The following PAK2 variants were observed in gnomAD, a reference collection of about 807,000 sequenced individuals.
PAK2 encodes serine/threonine-protein kinase PAK 2.
Under a neutral mutation model 65.9 loss-of-function variants are expected in PAK2, and 21 were observed. That is an observed-to-expected ratio of 0.32 (90% CI 0.23 to 0.46). The LOEUF (loss-of-function observed/expected upper bound fraction) is 0.46. Among genes scored for constraint, PAK2 ranks in the 20% least tolerant of loss-of-function variants. PAK2 has a pLI of 1.00. For missense variants in PAK2, 324 were observed against 642.6 expected, an observed-to-expected ratio of 0.50 and a Z score of 5.36; for synonymous variants, 204 against 219.7, an observed-to-expected ratio of 0.93 and a Z score of 0.63.
intron 11 of PAK2, among the ~76,000 whole-genome samples, chr3:196,815,173 C>T (rs1466768169): frequency 2.1e-5 from 3 of 142,924 alleles, no homozygotes; most frequent in African/African-American, 7.9e-5. Context: ...GAGCGAGAGT[C>T]CGTCTCAAAA....
At chr3:196,816,756 G>A (rs930120427) in intron 11 of PAK2, among the ~76,000 whole-genome samples, 70 of 152,134 alleles carry the variant, frequency 4.6e-4, no homozygotes, top group Non-Finnish European at 6.0e-4. Context: ...ACTTACACCC[G>A]TAGTTCAAAA....
At chr3:196,775,627 C>T (rs1300463020) in intron 1 of PAK2, among the ~76,000 whole-genome samples, 4 of 152,124 alleles carry the variant, frequency 2.6e-5, no homozygotes, top group South Asian at 2.1e-4. Flanking sequence ...GTGATCTGCC[C>T]GCCTCAGCTT....
At chr3:196,771,805 G>A (rs1020220929) in intron 1 of PAK2, among the ~76,000 whole-genome samples, 4 of 151,970 alleles carry the variant, frequency 2.6e-5, no homozygotes, top group African/African-American at 7.2e-5. Flanking sequence ...TGATCCACCC[G>A]CCTAAGCCTC....
intron 13 of PAK2, among the ~76,000 whole-genome samples, chr3:196,822,261 C>T (rs1032764777): frequency 6.6e-6 from 1 of 152,208 alleles, no homozygotes; most frequent in African/African-American, 2.4e-5. Flanking sequence ...ACAAAAATTC[C>T]TGCTCTTACA....
intron 1 of PAK2, among the ~76,000 whole-genome samples, chr3:196,767,737 G>A (rs1485574746): frequency 1.3e-5 from 2 of 152,020 alleles, no homozygotes; most frequent in Non-Finnish European, 2.9e-5. Flanking sequence ...CTCGTGATCC[G>A]CCCGCTTCGG....
At chr3:196,816,554 C>T (rs180978814) in intron 11 of PAK2, among the ~76,000 whole-genome samples, 71 of 152,130 alleles carry the variant, frequency 4.7e-4, no homozygotes, top group Non-Finnish European at 8.4e-4. Context: ...TAAACTGTGA[C>T]GAGTTTGTTT....
rs574325552 is a variant in PAK2, at chr3:196,740,929, G to T, written c.-22+772G>T. The stretch of plus-strand genomic sequence containing the variant: ...TTTAAAGATAAGTCATCCAAGAACA[G>T]AAGCGTGTCATCGTCAGTGGGTGTG... On this transcript the variant is annotated intron_variant, in intron 1 of 14. Coordinates refer to ENST00000327134, the MANE Select transcript of PAK2 (RefSeq NM_002577.4). Among the ~76,000 whole-genome samples the T allele has an allele frequency of 9.8e-5, 15 of 152,290 alleles. No individual in the cohort carries two copies. The South Asian group carries it at 3.1e-3, about 32-fold the overall frequency.
chr3:196,757,443 C>A (rs1713805711), intron 1 of PAK2, among the ~76,000 whole-genome samples: 1 of 152,124 alleles, frequency 6.6e-6, no homozygotes, highest in South Asian at 2.1e-4. Flanking sequence ...ACGTCATTTC[C>A]CTGCTTAGTA....
rs951768323 is a variant in PAK2, at chr3:196,820,084, T to A, written c.1154-287T>A. On this transcript the variant is annotated intron_variant, in intron 12 of 14. Coordinates refer to ENST00000327134, the MANE Select transcript of PAK2 (RefSeq NM_002577.4). The surrounding 1 kb of genome is among the most constrained non-coding windows in gnomAD (Gnocchi z 4.6). Reference sequence around the variant, plus strand: ...GTTTTGGTGTCTACTTTTGCTTTACTTTTTCGTAGACCTCTTTCAGTTTTA... The same window carrying A: ...GTTTTGGTGTCTACTTTTGCTTTACATTTTCGTAGACCTCTTTCAGTTTTA... Among the ~76,000 whole-genome samples the A allele has an allele frequency of 6.6e-6, 1 of 152,202 alleles. No individual in the cohort carries two copies.
chr3:196,765,904 T>G (rs1183085998), intron 1 of PAK2, among the ~76,000 whole-genome samples: 1 of 122,748 alleles, frequency 8.1e-6, no homozygotes, highest in Non-Finnish European at 1.7e-5. Flanking sequence ...TAGTATCTTC[T>G]TTTTTTTTTT....
At chr3:196,747,383 A>G (rs1050967695) in intron 1 of PAK2, 1 of 152,180 alleles carries the variant, frequency 6.6e-6, no homozygotes, top group East Asian at 1.9e-4. Flanking sequence ...TTGCTTTTGA[A>G]TGCAGCGTTG....
Position 196,806,605 on chromosome 3 carries a change from C to T in PAK2, c.495C>T (p.Pro165=), listed in dbSNP as rs973759710. 1.4e-5 allele frequency: 23 copies of T among 1,612,178 alleles called. No individual in the cohort carries two copies. The highest frequency in any genetic ancestry group is 1.7e-5 in the Non-Finnish European group (20 of 1,178,486). ...PALNAKGTEA[P]AVVTEEEDDD... is the part of the protein sequence containing the mutation. ...TGAATGCCAAGGGAACAGAAGCACC[C>T]GCAGTAGTGACAGAGGAGGAGGATG... Residue 165 remains proline (P), a synonymous_variant, in exon 6 of 15, where the codon CCC becomes CCT. Coordinates refer to ENST00000327134, the MANE Select transcript of PAK2 (RefSeq NM_002577.4).
At chr3:196,799,313 C>A (rs1560108371) in intron 2 of PAK2, among the ~76,000 whole-genome samples, 1 of 152,112 alleles carries the variant, frequency 6.6e-6, no homozygotes, top group African/African-American at 2.4e-5. Context: ...CCAGGAAATA[C>A]CGAGGCAGAA....
Position 196,820,034 on chromosome 3 carries a change from A to G in PAK2, c.1154-337A>G, listed in dbSNP as rs1269608229. ...AAGACAAAGTAGTTTCCATGACCTGACCTTTACCTGATTCACTGCATTTAG... is the reference window on the plus strand; with the variant it reads ...AAGACAAAGTAGTTTCCATGACCTGGCCTTTACCTGATTCACTGCATTTAG... On this transcript the variant is annotated intron_variant, in intron 12 of 14. Coordinates refer to ENST00000327134, the MANE Select transcript of PAK2 (RefSeq NM_002577.4). This position sits in a 1 kb window ranked among gnomAD's most constrained non-coding sequence, Gnocchi z 4.6. Among the ~76,000 whole-genome samples, 1 of 152,080 alleles carries G rather than the reference A, an allele frequency of 6.6e-6. No homozygotes were observed. The highest frequency in any genetic ancestry group is 1.5e-5 in the Non-Finnish European group (1 of 68,002).
Position 196,764,841 on chromosome 3 carries a change from CTTTTTTT to C in PAK2, c.-21-17772_-21-17766del, listed in dbSNP as rs57199433. On this transcript the variant is annotated intron_variant, in intron 1 of 14. Coordinates refer to ENST00000327134, the MANE Select transcript of PAK2 (RefSeq NM_002577.4). The stretch of plus-strand genomic sequence containing the variant: ...CCCCAAATTTTCTTTTCTTTTCTTT[CTTTTTTT>C]TTTTTTTTTTTTGAGACGGAGTCTT... Among the ~76,000 whole-genome samples, 49 of 107,610 alleles carry C rather than the reference CTTTTTTT, an allele frequency of 4.6e-4. 1 individual carries two copies. Among genetic ancestry groups the C allele is most frequent in the Admixed American group, 1.7e-3 (15 of 8,776 alleles). The allele number at this position is 107,610 out of a possible 152,430, so 70.6% of individuals were successfully genotyped here. A position where few individuals can be genotyped will look rare whatever the true frequency, so the allele number is the denominator to read the frequency against.
At chr3:196,810,188 A>G (rs942211240) in intron 7 of PAK2, among the ~76,000 whole-genome samples, 2 of 151,926 alleles carry the variant, frequency 1.3e-5, no homozygotes, top group South Asian at 2.1e-4. Flanking sequence ...AAATATATCT[A>G]TTTTATATTC....
intron 1 of PAK2, among the ~76,000 whole-genome samples, chr3:196,781,009 C>T (rs191044242): frequency 5.3e-5 from 8 of 152,218 alleles, no homozygotes; most frequent in Admixed American, 4.6e-4. Flanking sequence ...AGGATGGTCT[C>T]GATCTCCTGA....
chr3:196,815,300 TG>T (rs1715974876), intron 11 of PAK2, among the ~76,000 whole-genome samples: 1 of 151,396 alleles, frequency 6.6e-6, no homozygotes, highest in Non-Finnish European at 1.5e-5. Context: ...GAGACCAGCC[TG>T]GGAAACATGG....
intron 13 of PAK2, among the ~76,000 whole-genome samples, chr3:196,821,871 C>T (rs1406895969): frequency 6.6e-6 from 1 of 152,172 alleles, no homozygotes; most frequent in Non-Finnish European, 1.5e-5. Context: ...AATCATACAT[C>T]CATACAGAAA....
Sources: gnomAD v4.1 joint callset for allele counts (sites outside exome capture counted in the v4.1 genomes callset) on GRCh38, gnomAD v4.1.1 for gene constraint, Gnocchi (gnomAD v3.1) non-coding constraint, MANE v1.5 for transcripts, NCBI Gene and HGNC (gene_info 2026-07-23, HGNC 2026-07-21) for gene names.